The following CHN2 variants were observed in gnomAD, a reference collection of about 807,000 sequenced individuals.
CHN2 encodes beta-chimaerin.
A neutral mutation model predicts 56.3 loss-of-function variants in CHN2; 35 were observed. The ratio of observed to expected loss-of-function variants is 0.62; its 90% CI spans 0.47 to 0.82. The LOEUF (loss-of-function observed/expected upper bound fraction) is 0.82. CHN2 is among the 40% of genes least tolerant of loss of function. CHN2 has a pLI of 0.00. For synonymous variants in CHN2, 210 were observed against 212.8 expected, an observed-to-expected ratio of 0.99 and a Z score of 0.12; for missense variants, 491 against 580.5, an observed-to-expected ratio of 0.85 and a Z score of 1.58.
In CHN2 at chr7:29,242,538, A is replaced by AT. The variant is rs906487007; in HGVS notation, c.49+47558dup. 8.9e-4 allele frequency among the ~76,000 whole-genome samples: 131 copies of AT among 147,482 alleles called. 1 individual carries two copies. The highest frequency in any genetic ancestry group is 2.7e-3 in the African/African-American group (110 of 40,450). On this transcript the variant is annotated intron_variant, in intron 1 of 12. Transcript: ENST00000222792. ...GAATGGGCTTCTCAGTTTTTTACGC[A>AT]TTTTTTTTTTCTTTCTAGAACTGGG...
chr7:29,512,738 C>T lies in CHN2; in HGVS notation c.*3C>T. 6.2e-7 allele frequency: 1 copy of T among 1,613,544 alleles called. No homozygotes were observed. The highest frequency in any genetic ancestry group is 8.5e-7 in the Non-Finnish European group (1 of 1,179,814). On this transcript the variant is annotated 3_prime_UTR_variant, in exon 13 of 13. Transcript: ENST00000222792. ...AAAACGAAGACGTTTTATTCTAATC[C>T]ATCAGGGAAATGAGCTGAATGGCCC...
At chr7:29,328,960 A>T (rs1796009714) in intron 1 of CHN2, among the ~76,000 whole-genome samples, 1 of 152,242 alleles carries the variant, frequency 6.6e-6, no homozygotes, top group Non-Finnish European at 1.5e-5. Flanking sequence ...TGCTTATGAC[A>T]GCTAAAAATC....
intron 9 of CHN2, among the ~76,000 whole-genome samples, chr7:29,501,201 T>C (rs1789933639): frequency 6.6e-6 from 1 of 152,226 alleles, no homozygotes; most frequent in African/African-American, 2.4e-5. Context: ...CCCTTTTCTA[T>C]GGAGGGGGAA....
At chr7:29,411,987 C>A (rs1169823843) in intron 6 of CHN2, among the ~76,000 whole-genome samples, 1 of 152,204 alleles carries the variant, frequency 6.6e-6, no homozygotes, top group East Asian at 1.9e-4. Flanking sequence ...TCCCTGCCAC[C>A]TCTGCTGTCC....
chr7:29,293,892 A>C (rs1584983484), intron 1 of CHN2, among the ~76,000 whole-genome samples: 1 of 92,778 alleles, frequency 1.1e-5, no homozygotes, highest in African/African-American at 4.5e-5. Context: ...TTTGAGACGG[A>C]GTCTCGCTGT....
intron 1 of CHN2, among the ~76,000 whole-genome samples, chr7:29,272,408 GA>G (rs1790731541): frequency 6.6e-6 from 1 of 152,134 alleles, no homozygotes; most frequent in South Asian, 2.1e-4. Flanking sequence ...AAACTATTGT[GA>G]ACCTCCTGGA....
intron 3 of CHN2, chr7:29,380,938 G>A (rs1800450215): frequency 6.6e-6 from 1 of 152,146 alleles, no homozygotes; most frequent in Non-Finnish European, 1.5e-5. Flanking sequence ...GCGATCTAGT[G>A]GCACAGAGAT....
intron 6 of CHN2, among the ~76,000 whole-genome samples, chr7:29,479,288 A>G (rs907814194): frequency 1.8e-4 from 28 of 152,196 alleles, no homozygotes; most frequent in Admixed American, 5.2e-4. Flanking sequence ...TTAAAAGAAA[A>G]GCAATTATGA....
At position 29,381,332 on chromosome 7, in the gene CHN2, C is replaced by G. The variant is rs1005924668; in HGVS notation, c.145-12347C>G. Among the ~76,000 whole-genome samples the G allele has an allele frequency of 4.6e-5, 7 of 152,238 alleles. No individual in the cohort carries two copies. The South Asian group carries it at 8.3e-4, about 18-fold the overall frequency. On this transcript the variant is annotated intron_variant, in intron 3 of 12. Coordinates refer to ENST00000222792, the MANE Select transcript of CHN2 (RefSeq NM_004067.4). ...CAAAGATGAGTACAAAAAACTCTAG[C>G]CAACAGAGTGCCAGGCTCGTGCCAG... is the stretch of plus-strand genomic sequence containing the variant.
chr7:29,415,267 G>T (rs1179656223), intron 6 of CHN2, among the ~76,000 whole-genome samples: 1 of 152,206 alleles, frequency 6.6e-6, no homozygotes, highest in Non-Finnish European at 1.5e-5. Flanking sequence ...AGCGACAGGG[G>T]CCACCTGGCT....
intron 9 of CHN2, 95 bp downstream of exon 9, chr7:29,500,135 T>G: frequency 9.9e-7 from 1 of 1,009,564 alleles, no homozygotes; most frequent in Non-Finnish European, 1.4e-6. Flanking sequence ...TCTACTACTC[T>G]TGTTGGGAAA....
intron 2 of CHN2, among the ~76,000 whole-genome samples, chr7:29,176,188 G>GAA (rs200056581): frequency 2.2e-5 from 3 of 137,294 alleles, no homozygotes; most frequent in East Asian, 2.1e-4. Context: ...TCCGTCTCAA[G>GAA]AAAAAAAAAA....
chr7:29,233,533 T>C (rs969721990), intron 1 of CHN2, among the ~76,000 whole-genome samples: 1 of 152,058 alleles, frequency 6.6e-6, no homozygotes, highest in Middle Eastern at 3.2e-3. Flanking sequence ...GGAATTAAGG[T>C]TGGAGATGGG....
intron 7 of CHN2, among the ~76,000 whole-genome samples, chr7:29,492,419 C>T (rs1250914620): frequency 2.0e-5 from 3 of 151,984 alleles, no homozygotes; most frequent in Admixed American, 6.6e-5. Context: ...TGTCTCACTA[C>T]GAATTCTGGA....
intron 6 of CHN2, among the ~76,000 whole-genome samples, chr7:29,457,282 G>A (rs1437845943): frequency 6.6e-6 from 1 of 152,110 alleles, no homozygotes; most frequent in Non-Finnish European, 1.5e-5. Flanking sequence ...CATCCTTGAA[G>A]CTGCCACATT....
At chr7:29,177,550 G>A (rs1418534831) in intron 2 of CHN2, among the ~76,000 whole-genome samples, 3 of 149,492 alleles carry the variant, frequency 2.0e-5, no homozygotes, top group African/African-American at 7.4e-5. Flanking sequence ...CACCGTGCCT[G>A]GCCCCCTCAC....
chr7:29,429,818 A>T (rs1376545077), intron 6 of CHN2, among the ~76,000 whole-genome samples: 2 of 152,244 alleles, frequency 1.3e-5, no homozygotes, highest in African/African-American at 2.4e-5. Flanking sequence ...ATCTAACAAT[A>T]TGGTGTACTT....
At position 29,377,901 on chromosome 7, in the gene CHN2, A is replaced by G. The variant is rs370993844; in HGVS notation, c.144+9914A>G. Among the ~76,000 whole-genome samples, 13 of 152,358 alleles carry G rather than the reference A, an allele frequency of 8.5e-5. No individual in the cohort carries two copies. In the East Asian group the frequency reaches 2.5e-3, roughly 29 times the overall value. ...TCATTTCCTCATCTTCTGTGGAAAG[A>G]AATTAAATAGCCTTGGCACAGCCCA... On this transcript the variant is annotated intron_variant, in intron 3 of 12. Transcript: ENST00000222792.
At chr7:29,310,225 T>C (rs547563884) in intron 1 of CHN2, among the ~76,000 whole-genome samples, 16 of 152,294 alleles carry the variant, frequency 1.1e-4, no homozygotes, top group Admixed American at 5.9e-4. Context: ...AAACAACTTA[T>C]ACATTCACAT....
Sources: gnomAD v4.1 joint callset for allele counts (sites outside exome capture counted in the v4.1 genomes callset) on GRCh38, gnomAD v4.1.1 for gene constraint, MANE v1.5 for transcripts, NCBI Gene and HGNC (gene_info 2026-07-23, HGNC 2026-07-21) for gene names.